GRM7: variants seen among roughly 807,000 people sequenced by gnomAD.
GRM7 encodes the protein metabotropic glutamate receptor 7.
Under a neutral mutation model 84.5 loss-of-function variants are expected in GRM7, and 35 were observed. The observed-to-expected ratio is 0.41, with a 90% confidence interval of 0.32 to 0.55. GRM7 has a LOEUF of 0.55. Among genes scored for constraint, GRM7 ranks in the 20% least tolerant of loss-of-function variants. GRM7 has a pLI of 0.19. For missense variants in GRM7, 1,003 were observed against 1,194.6 expected, an observed-to-expected ratio of 0.84 and a Z score of 2.36; for synonymous variants, 487 against 455.1, an observed-to-expected ratio of 1.07 and a Z score of -0.89.
At chr3:7,606,518 G>A (rs933237592) in intron 8 of GRM7, among the ~76,000 whole-genome samples, 2 of 152,060 alleles carry the variant, frequency 1.3e-5, no homozygotes, top group Non-Finnish European at 2.9e-5. Flanking sequence ...TATAAGTGAG[G>A]AAACTTTGCT....
chr3:7,335,814 G>A (rs1037840131), intron 4 of GRM7, among the ~76,000 whole-genome samples: 13 of 152,068 alleles, frequency 8.5e-5, no homozygotes, highest in Admixed American at 7.9e-4. Flanking sequence ...AGAGGACATA[G>A]ATACATTCCT....
chr3:7,043,859 G>C (rs1012791375), intron 1 of GRM7, among the ~76,000 whole-genome samples: 1 of 152,050 alleles, frequency 6.6e-6, no homozygotes, highest in South Asian at 2.1e-4. Flanking sequence ...ACCCTGCTCC[G>C]CCTCCCAGAG....
At chr3:7,653,976 TA>T (rs1175030557) in intron 8 of GRM7, among the ~76,000 whole-genome samples, 3 of 152,154 alleles carry the variant, frequency 2.0e-5, no homozygotes, top group African/African-American at 7.2e-5. Context: ...CCCCCTTCCT[TA>T]AATCATCTTG....
intron 4 of GRM7, among the ~76,000 whole-genome samples, chr3:7,313,172 G>T (rs965185856): frequency 5.3e-5 from 8 of 151,742 alleles, no homozygotes; most frequent in African/African-American, 1.5e-4. Flanking sequence ...CAGGCAATCC[G>T]CCCTCCTCAG....
intron 4 of GRM7, among the ~76,000 whole-genome samples, chr3:7,400,307 T>C (rs1695396070): frequency 6.6e-6 from 1 of 152,158 alleles, no homozygotes; most frequent in Non-Finnish European, 1.5e-5. Context: ...ACTCAACAAA[T>C]AGGAATCTTC....
At position 7,131,806 on chromosome 3, in the gene GRM7, C is replaced by T. The variant is rs545541475; in HGVS notation, c.520-14646C>T. 2.0e-5 allele frequency among the ~76,000 whole-genome samples: 3 copies of T among 152,022 alleles called. No homozygotes were observed. In the South Asian group the frequency reaches 6.2e-4, roughly 32 times the overall value. On this transcript the variant is annotated intron_variant, in intron 1 of 9. Coordinates refer to ENST00000357716, the MANE Select transcript of GRM7 (RefSeq NM_000844.4). Reference sequence around the variant, plus strand: ...AGGCTATTCTGTGTATTTTATTAGTCCAGAAAAGTAATTATTGTAATAGGA... The same window carrying T: ...AGGCTATTCTGTGTATTTTATTAGTTCAGAAAAGTAATTATTGTAATAGGA...
chr3:7,673,284 A>T (rs181010551), intron 8 of GRM7, among the ~76,000 whole-genome samples: 3 of 152,214 alleles, frequency 2.0e-5, no homozygotes, highest in African/African-American at 7.2e-5. Flanking sequence ...AATGCCAAGA[A>T]TATTGATCAT....
intron 8 of GRM7, among the ~76,000 whole-genome samples, chr3:7,628,975 T>A (rs2125094605): frequency 6.6e-6 from 1 of 152,264 alleles, no homozygotes; most frequent in South Asian, 2.1e-4. Context: ...GGCATGAGGA[T>A]ACATATTGCA....
intron 2 of GRM7, among the ~76,000 whole-genome samples, chr3:7,291,086 C>A (rs1699603583): frequency 6.6e-6 from 1 of 152,072 alleles, no homozygotes; most frequent in Non-Finnish European, 1.5e-5. Flanking sequence ...TTCCCAGCAT[C>A]CTCACTGCAG....
chr3:7,269,005 G>A (rs1381726071), intron 2 of GRM7, among the ~76,000 whole-genome samples: 1 of 152,136 alleles, frequency 6.6e-6, no homozygotes, highest in African/African-American at 2.4e-5. Flanking sequence ...GTGTTTGCAT[G>A]TCTTTAGACA....
intron 9 of GRM7, among the ~76,000 whole-genome samples, chr3:7,685,138 A>G (rs1700527599): frequency 6.6e-6 from 1 of 152,204 alleles, no homozygotes; most frequent in Non-Finnish European, 1.5e-5. Flanking sequence ...ATTGATGGCC[A>G]TGACGATCCT....
chr3:7,055,495 G>GTGTT (rs1697185898), intron 1 of GRM7, among the ~76,000 whole-genome samples: 1 of 150,072 alleles, frequency 6.7e-6, no homozygotes, highest in African/African-American at 2.5e-5. Flanking sequence ...GTGTGTGTGT[G>GTGTT]TGTGTGTGTG....
chr3:7,211,652 CA>C (rs370634134), intron 2 of GRM7, among the ~76,000 whole-genome samples: 2,342 of 122,632 alleles, frequency 0.019, 80 homozygotes, highest in African/African-American at 0.069. Context: ...TTCTCCCAAC[CA>C]AAAAAAAAAA....
intron 1 of GRM7, among the ~76,000 whole-genome samples, chr3:6,903,074 G>T (rs890261210): frequency 6.6e-6 from 1 of 152,012 alleles, no homozygotes; most frequent in Admixed American, 6.6e-5. Context: ...TATTTATAAT[G>T]CTTATAAGTC....
In GRM7 at chr3:7,344,508, AT is replaced by A. The variant is rs918100362; in HGVS notation, c.1033+37864del. On this transcript the variant is annotated intron_variant, in intron 4 of 9. Coordinates refer to ENST00000357716, the MANE Select transcript of GRM7 (RefSeq NM_000844.4). ...TAGTCTGTTATTTATGGGCATGTAA[AT>A]TTTTTTTAAATAATAAAAATTCATA... is the stretch of plus-strand genomic sequence containing the variant. Among the ~76,000 whole-genome samples, 8 of 152,028 alleles carry A rather than the reference AT, an allele frequency of 5.3e-5. No individual in the cohort carries two copies. In the South Asian group the frequency reaches 6.2e-4, roughly 12 times the overall value.
chr3:7,544,415 C>T (rs1010266865), intron 7 of GRM7, among the ~76,000 whole-genome samples: 1 of 152,126 alleles, frequency 6.6e-6, no homozygotes, highest in Non-Finnish European at 1.5e-5. Context: ...CTCAGCCTCG[C>T]AAAGCACCGG....
intron 3 of GRM7, among the ~76,000 whole-genome samples, chr3:7,301,626 A>G (rs1178632418): frequency 1.3e-5 from 2 of 152,002 alleles, no homozygotes; most frequent in African/African-American, 2.4e-5. Context: ...ACTGTATTCA[A>G]TAATGATATT....
intron 1 of GRM7, among the ~76,000 whole-genome samples, chr3:7,139,927 A>C (rs1348527182): frequency 6.6e-6 from 1 of 152,042 alleles, no homozygotes; most frequent in East Asian, 1.9e-4. Context: ...TGATAAGGAG[A>C]TAATATCCAA....
At chr3:6,998,579 C>T (rs925969597) in intron 1 of GRM7, among the ~76,000 whole-genome samples, 1 of 152,214 alleles carries the variant, frequency 6.6e-6, no homozygotes, top group Non-Finnish European at 1.5e-5. Flanking sequence ...ACTGCCCTAG[C>T]ATAAGTTCTC....
Sources: allele counts gnomAD v4.1 joint callset (sites outside exome capture counted in the v4.1 genomes callset), GRCh38; gene constraint gnomAD v4.1.1; transcripts MANE v1.5; gene names NCBI Gene and HGNC (gene_info 2026-07-23, HGNC 2026-07-21).